The following MAST3 variants were observed in gnomAD, a reference collection of about 807,000 sequenced individuals.
MAST3 encodes microtubule-associated serine/threonine-protein kinase 3.
In MAST3, 43 loss-of-function variants were observed where a neutral mutation model predicts 127.0. That is an observed-to-expected ratio of 0.34 (90% confidence interval 0.27 to 0.44). The LOEUF is 0.44. MAST3 is among the 20% of genes least tolerant of loss of function. The probability of loss-of-function intolerance (pLI) is 1.00; values close to 1 mark genes in which losing one functional copy is unlikely to be tolerated. For synonymous variants in MAST3, 785 were observed against 809.2 expected, an observed-to-expected ratio of 0.97 and a Z score of 0.51; for missense variants, 1,390 against 1,919.1, an observed-to-expected ratio of 0.72 and a Z score of 5.15.
chr19:18,108,646 G>T (rs559870033), intron 2 of MAST3, among the ~76,000 whole-genome samples: 1 of 152,162 alleles, frequency 6.6e-6, no homozygotes, highest in Non-Finnish European at 1.5e-5. Context: ...GGGATTACAG[G>T]CATGAGCCAC....
At chr19:18,121,414 T>C (rs273481) in intron 3 of MAST3, among the ~76,000 whole-genome samples, 143,368 of 152,300 alleles carry the variant, frequency 0.94, 67,508 homozygotes, top group East Asian at 0.96. Context: ...ACCTTGGCCT[T>C]CCAAAGCACT....
At chr19:18,140,618 T>G (rs2042369307) in intron 20 of MAST3, among the ~76,000 whole-genome samples, 2 of 152,182 alleles carry the variant, frequency 1.3e-5, no homozygotes, top group South Asian at 2.1e-4. Flanking sequence ...CTTCTCTTAC[T>G]CAGCATCACG....
intron 1 of MAST3, among the ~76,000 whole-genome samples, chr19:18,104,370 A>C (rs966779559): frequency 4.0e-5 from 6 of 151,810 alleles, no homozygotes; most frequent in South Asian, 2.1e-4. Context: ...CGAGGGGTAG[A>C]TTATTCTCCT....
chr19:18,146,794 C>T, intron 25 of MAST3, 87 bp from the exon 26 acceptor site: 2 of 1,338,808 alleles, frequency 1.5e-6, no homozygotes, highest in African/African-American at 1.5e-5. Flanking sequence ...CAGCTGGTGC[C>T]CGGAGTGAAG....
At chr19:18,128,550 T>C (rs937498240) in intron 12 of MAST3, 92 bp downstream of exon 12, 43 of 1,288,580 alleles carry the variant, frequency 3.3e-5, no homozygotes, top group African/African-American at 6.0e-5. Flanking sequence ...GCCGAGGTCT[T>C]GCATGTAGCT....
At chr19:18,148,923 C>T (rs1599933318) in intron 27 of MAST3, among the ~76,000 whole-genome samples, 1 of 151,594 alleles carries the variant, frequency 6.6e-6, no homozygotes, top group Non-Finnish European at 1.5e-5. Flanking sequence ...ATTAGCCAGC[C>T]ATGGTGACGT....
rs1323472599 is a variant in MAST3, at chr19:18,149,521, G to A, written c.3839G>A (p.Arg1280His). The change falls in exon 28 of 28, where the codon CGT becomes CAT. Residue 1280 changes from arginine (R) to histidine (H), a missense_variant. Physicochemically the swap from Arg to His is conservative, Grantham distance 29. Coordinates refer to ENST00000687212, the MANE Select transcript of MAST3 (RefSeq NM_001393504.1). This position sits in a 1 kb window ranked among gnomAD's most constrained non-coding sequence, Gnocchi z 5.9. ...GATGGGGAGGCGGGGCGGCGCACTC[G>A]TGGGCCAGAGGCCGAGCTCGTGGTC... Reference protein sequence around the residue: ...RLDGEAGRRTRGPEAELVVMR... With the variant: ...RLDGEAGRRTHGPEAELVVMR... 3.9e-6 allele frequency: 6 copies of A among 1,553,078 alleles called. No individual in the cohort carries two copies. The highest frequency in any genetic ancestry group is 2.4e-5 in the East Asian group (1 of 41,074).
At chr19:18,142,225 G>T (rs956575710) in intron 21 of MAST3, among the ~76,000 whole-genome samples, 1 of 152,074 alleles carries the variant, frequency 6.6e-6, no homozygotes, top group African/African-American at 2.4e-5. Context: ...CCATCATGCT[G>T]CTAGGCACAC....
chr19:18,110,067 C>G lies in MAST3; in HGVS notation c.72-585C>G. ...CAGACAGGGCGGCACCCGCGGCTCC[C>G]CTTTCCCGCTGCGCGACCCTCGCTG... On this transcript the variant is annotated intron_variant, in intron 2 of 27. Transcript: ENST00000687212. The surrounding 1 kb of genome is among the most constrained non-coding windows in gnomAD (Gnocchi z 4.3). The G allele has an allele frequency of 1.0e-6, 1 of 985,328 alleles. No homozygotes were observed. Among genetic ancestry groups the G allele is most frequent in the Non-Finnish European group, 1.2e-6 (1 of 829,896 alleles). 61.0% of individuals were successfully genotyped at this position (985,328 alleles called of 1,614,324 possible).
intron 2 of MAST3, among the ~76,000 whole-genome samples, chr19:18,108,456 C>T (rs189056491): frequency 6.6e-6 from 1 of 151,990 alleles, no homozygotes; most frequent in African/African-American, 2.4e-5. Flanking sequence ...TCACTGCAAC[C>T]ACTGCCTCCC....
At chr19:18,109,083 C>A (rs1437060441) in intron 2 of MAST3, among the ~76,000 whole-genome samples, 1 of 152,026 alleles carries the variant, frequency 6.6e-6, no homozygotes, top group Admixed American at 6.6e-5. Context: ...GAGCTGGCAG[C>A]GGGGAAGTCT....
At chr19:18,142,069 T>C (rs1417703529) in intron 21 of MAST3, 54 bp downstream of exon 21, 13 of 1,356,678 alleles carry the variant, frequency 9.6e-6, no homozygotes, top group Non-Finnish European at 1.2e-5. Flanking sequence ...TGCTGGGAGG[T>C]AGAGACACAA....
intron 13 of MAST3, among the ~76,000 whole-genome samples, chr19:18,129,922 C>A (rs1185732828): frequency 1.3e-3 from 149 of 116,592 alleles, no homozygotes; most frequent in African/African-American, 1.7e-3. Context: ...GAGACCATCT[C>A]AAAAAAAAAA....
intron 1 of MAST3, among the ~76,000 whole-genome samples, chr19:18,105,199 T>C (rs190470759): frequency 3.7e-4 from 57 of 152,084 alleles, no homozygotes; most frequent in African/African-American, 1.3e-3. Flanking sequence ...AAACCTCGTC[T>C]CTGCTAAATA....
intron 3 of MAST3, among the ~76,000 whole-genome samples, chr19:18,118,771 A>T (rs2039607587): frequency 6.6e-6 from 1 of 152,106 alleles, no homozygotes; most frequent in Admixed American, 6.6e-5. Flanking sequence ...AGGGCTGTGG[A>T]TTCTACCAGA....
Position 18,139,112 on chromosome 19 carries a change from C to T in MAST3, c.2193C>T (p.His731=). Residue 731 remains histidine, a synonymous_variant, in exon 20 of 28, where the codon CAC becomes CAT. Coordinates refer to ENST00000687212, the MANE Select transcript of MAST3 (RefSeq NM_001393504.1). The part of the protein sequence containing the change: ...TEIPQFSSCS[H]RFSKVYSSSE... ...TCCCCCAGTTCTCCTCCTGCTCCCACCGGTTCAGCAAGGTGGGCCCGGGTC... is the reference window on the plus strand; with the variant it reads ...TCCCCCAGTTCTCCTCCTGCTCCCATCGGTTCAGCAAGGTGGGCCCGGGTC... The T allele has an allele frequency of 3.1e-6, 5 of 1,601,062 alleles. No homozygotes were observed. The highest frequency in any genetic ancestry group is 4.3e-6 in the Non-Finnish European group (5 of 1,173,896).
intron 2 of MAST3, 49 bp downstream of exon 2, chr19:18,107,667 A>T (rs1383381266): frequency 6.4e-7 from 1 of 1,561,504 alleles, no homozygotes; most frequent in African/African-American, 1.4e-5. Context: ...GTGGTCTTGG[A>T]AGTGGATATT....
intron 3 of MAST3, among the ~76,000 whole-genome samples, chr19:18,111,285 T>TC (rs35401514): frequency 0.33 from 49,556 of 151,692 alleles, 8,838 homozygotes; most frequent in African/African-American, 0.47. Context: ...ATTCAGTCCA[T>TC]CCCCCGGGGG....
At position 18,107,552 on chromosome 19, in the gene MAST3, C is replaced by G. The variant is rs767543772; in HGVS notation, c.40-35C>G. The G allele has an allele frequency of 5.0e-6, 8 of 1,612,384 alleles. No individual in the cohort carries two copies. In the African/African-American group the frequency reaches 1.1e-4, roughly 22 times the overall value. ...GGCCAGGGGTTCTGAGGGCTAGTCT[C>G]TCTGAGAATGATCCCCATTTCTGTC... On this transcript the variant is annotated intron_variant, in intron 1 of 27. Transcript: ENST00000687212.
Sources: gnomAD v4.1 joint callset for allele counts (sites outside exome capture counted in the v4.1 genomes callset) on GRCh38, gnomAD v4.1.1 for gene constraint, Gnocchi (gnomAD v3.1) non-coding constraint, MANE v1.5 for transcripts, NCBI Gene and HGNC (gene_info 2026-07-23, HGNC 2026-07-21) for gene names.